PFKM: variants seen among roughly 807,000 people sequenced by gnomAD.
PFKM encodes the protein ATP-dependent 6-phosphofructokinase, muscle type.
Under a neutral mutation model 95.5 loss-of-function variants are expected in PFKM, and 58 were observed. That is an observed-to-expected ratio of 0.61 (90% confidence interval 0.49 to 0.76). The LOEUF (loss-of-function observed/expected upper bound fraction) is 0.76. Among genes scored for constraint, PFKM ranks in the 30% least tolerant of loss-of-function variants. PFKM has a pLI of 0.00. For missense variants in PFKM, 678 were observed against 1,005.4 expected (o/e 0.67, Z 4.40); for synonymous variants, 336 against 357.2 (o/e 0.94, Z 0.67).
intron 4 of PFKM, 67 bp downstream of exon 4, chr12:48,131,460 C>A: frequency 8.9e-7 from 1 of 1,119,328 alleles, no homozygotes; most frequent in Non-Finnish European, 1.4e-6. Context: ...CTGTTTTGGG[C>A]TCATGGTCTC....
chr12:48,136,939 G>A (rs988056652), intron 10 of PFKM, among the ~76,000 whole-genome samples: 1 of 151,594 alleles, frequency 6.6e-6, no homozygotes, highest in African/African-American at 2.4e-5. Flanking sequence ...ATTTTTAGTA[G>A]AGATGGGGCT....
intron 10 of PFKM, among the ~76,000 whole-genome samples, chr12:48,136,692 CTTTTTTTTTT>C (rs1166389532): frequency 3.2e-5 from 2 of 63,022 alleles, no homozygotes; most frequent in African/African-American, 1.5e-4. Context: ...GGGGTCGTCA[CTTTTTTTTTT>C]TTTTTTTTTT....
intron 5 of PFKM, 26 bp downstream of exon 5, chr12:48,133,083 G>C: frequency 6.2e-7 from 1 of 1,603,680 alleles, no homozygotes; most frequent in Non-Finnish European, 8.5e-7. Context: ...CATCAGTATT[G>C]CTTATTTGTG....
rs773284854 is a variant in PFKM, at chr12:48,135,309, G to A, written c.862G>A (p.Gly288Arg). The change falls in exon 10 of 23, where the codon GGA becomes AGA. Residue 288 changes from glycine to arginine, a missense_variant. Physicochemically the swap from Gly to Arg is moderately radical, Grantham distance 125 (BLOSUM62 -2). Transcript: ENST00000359794. Reference sequence around the variant, plus strand: ...CCTTCAGCTGGTGGTTAAGCGTCTGGGATATGACACCCGGGTTACTGTCTT... The same window carrying A: ...CCTTCAGCTGGTGGTTAAGCGTCTGAGATATGACACCCGGGTTACTGTCTT... ...DIKNLVVKRL[G>R]YDTRVTVLGH... 1.9e-6 allele frequency: 3 copies of A among 1,614,054 alleles called. No homozygotes were observed. The highest frequency in any genetic ancestry group is 2.5e-6 in the Non-Finnish European group (3 of 1,179,930).
chr12:48,126,879 T>G (rs1333229866), intron 2 of PFKM, among the ~76,000 whole-genome samples: 1 of 152,242 alleles, frequency 6.6e-6, no homozygotes, highest in East Asian at 1.9e-4. Context: ...ATTGAAGGCT[T>G]TGTGTTGACT....
chr12:48,133,457 T>TG lies in PFKM; in HGVS notation c.571dup (p.Ala191GlyfsTer42), dbSNP rs1428004972. 2 of 1,614,046 alleles carry TG rather than the reference T, an allele frequency of 1.2e-6. No homozygotes were observed. The highest frequency in any genetic ancestry group is 1.7e-6 in the Non-Finnish European group (2 of 1,180,014). ...TGCATCGGATCATGGAAATTGTAGA[T>TG]GCCATCACTACCACTGCCCAGAGGT... On this transcript the variant is annotated frameshift_variant, in exon 6 of 23. Transcript: ENST00000359794. LOFTEE classifies it high-confidence loss of function.
intron 1 of PFKM, among the ~76,000 whole-genome samples, chr12:48,120,201 C>G (rs1213238175): frequency 6.6e-6 from 1 of 152,160 alleles, no homozygotes; most frequent in East Asian, 1.9e-4. Context: ...AAGAGCGTCT[C>G]TAGTCACGCG....
At chr12:48,130,845 T>A (rs2135849085) in intron 3 of PFKM, among the ~76,000 whole-genome samples, 1 of 152,310 alleles carries the variant, frequency 6.6e-6, no homozygotes. Context: ...TTTGCACCCT[T>A]CTCCCAGTAC....
rs112860514 is a variant in PFKM at position 48,144,043 on chromosome 12, C to A, written c.1881-3C>A. On this transcript the variant is annotated splice_polypyrimidine_tract_variant and splice_region_variant and intron_variant, in intron 19 of 22. Coordinates refer to ENST00000359794, the MANE Select transcript of PFKM (RefSeq NM_000289.6). ...TCACAGGCTTTTGGTCTCCACCTGG[C>A]AGGAATGAAAAGTGCAATGAGAACT... 6.2e-7 allele frequency: 1 copy of A among 1,603,158 alleles called. No individual in the cohort carries two copies. The highest frequency in any genetic ancestry group is 8.5e-7 in the Non-Finnish European group (1 of 1,169,982).
intron 20 of PFKM, 56 bp downstream of exon 20, chr12:48,144,213 C>A: frequency 8.5e-7 from 1 of 1,177,474 alleles, no homozygotes; most frequent in Non-Finnish European, 1.3e-6. Context: ...TGCCAACAGC[C>A]ATACCTGCCA....
At position 48,111,318 on chromosome 12, in the gene PFKM, C is replaced by T. The variant is rs190340939; in HGVS notation, c.205+3124C>T. Among the ~76,000 whole-genome samples, 6 of 152,320 alleles carry T rather than the reference C, an allele frequency of 3.9e-5. No individual in the cohort carries two copies. The East Asian group carries it at 1.2e-3, about 29-fold the overall frequency. On this transcript the variant is annotated intron_variant, in intron 3 of 24. Coordinates refer to the PFKM transcript ENST00000340802. Reference sequence around the variant, plus strand: ...TCTATCACCAGCATTGCCCATGCCCCCTGCTGCCCTTCTGATCCTCTGTAC... The same window carrying T: ...TCTATCACCAGCATTGCCCATGCCCTCTGCTGCCCTTCTGATCCTCTGTAC...
intron 11 of PFKM, among the ~76,000 whole-genome samples, chr12:48,138,221 G>C (rs1400128780): frequency 6.6e-6 from 1 of 152,110 alleles, no homozygotes; most frequent in South Asian, 2.1e-4. Flanking sequence ...GGTAGCTTTT[G>C]TCTCTATGAT....
At chr12:48,118,500 T>TA, upstream of PFKM, 1 of 1,509,348 alleles carries the variant, frequency 6.6e-7, no homozygotes, top group Non-Finnish European at 8.9e-7. Flanking sequence ...GAGGTAGAGA[T>TA]ACAAGTAAGC....
At chr12:48,134,903 C>A in intron 8 of PFKM, 40 bp from the exon 9 acceptor site, 1 of 1,596,058 alleles carries the variant, frequency 6.3e-7, no homozygotes, top group Non-Finnish European at 8.6e-7. Flanking sequence ...CACCCATCAG[C>A]TTCATTCCAT....
chr12:48,141,944 G>A lies in PFKM; in HGVS notation c.1531G>A (p.Gly511Ser), dbSNP rs1263052355. The A allele has an allele frequency of 6.2e-7, 1 of 1,614,074 alleles. No homozygotes were observed. The highest frequency in any genetic ancestry group is 1.7e-5 in the Admixed American group (1 of 60,022). Residue 511 changes from glycine to serine, a missense_variant, in exon 17 of 23, where the codon GGC becomes AGC. By Grantham distance (56) the Gly-to-Ser change is moderately conservative (BLOSUM62 0). Coordinates refer to ENST00000359794, the MANE Select transcript of PFKM (RefSeq NM_000289.6). ...CACAGGGGGCCTGGAACTGATGGAG[G>A]GCAGGAAGCAGTTTGATGAGCTCTG... The part of the protein sequence containing the change: ...AYTGGLELME[G>S]RKQFDELCIP...
At position 48,135,304 on chromosome 12, in the gene PFKM, G is replaced by C; in HGVS notation, c.857G>C (p.Arg286Pro). Reference protein sequence around the residue: ...SEDIKNLVVKRLGYDTRVTVL... With the variant: ...SEDIKNLVVKPLGYDTRVTVL... ...TGGTCCCTTCAGCTGGTGGTTAAGCGTCTGGGATATGACACCCGGGTTACT... is the reference window on the plus strand; with the variant it reads ...TGGTCCCTTCAGCTGGTGGTTAAGCCTCTGGGATATGACACCCGGGTTACT... The change falls in exon 10 of 23, where the codon CGT becomes CCT. Residue 286 changes from arginine (R) to proline (P), a missense_variant. Coordinates refer to ENST00000359794, the MANE Select transcript of PFKM (RefSeq NM_000289.6). The C allele has an allele frequency of 6.2e-7, 1 of 1,613,960 alleles. No individual in the cohort carries two copies.
chr12:48,126,137 T>C (rs1002183666), intron 2 of PFKM, among the ~76,000 whole-genome samples: 27 of 152,204 alleles, frequency 1.8e-4, no homozygotes, highest in Admixed American at 1.1e-3. Flanking sequence ...ATGGTGCCTG[T>C]AATCTTATCC....
intron 4 of PFKM, 49 bp from the exon 5 acceptor site, chr12:48,132,819 A>G (rs1949654559): frequency 1.3e-6 from 2 of 1,486,264 alleles, no homozygotes; most frequent in African/African-American, 1.4e-5. Context: ...GGGATATCTC[A>G]GCATGTTGAG....
chr12:48,137,053 CT>C (rs1394714959), intron 10 of PFKM, among the ~76,000 whole-genome samples: 26 of 133,544 alleles, frequency 1.9e-4, no homozygotes, highest in African/African-American at 3.9e-4. Flanking sequence ...TGGGCCCAGC[CT>C]TTTTTTTTTT....
Sources: allele counts gnomAD v4.1 joint callset (sites outside exome capture counted in the v4.1 genomes callset), GRCh38; gene constraint gnomAD v4.1.1; transcripts MANE v1.5; gene names NCBI Gene and HGNC (gene_info 2026-07-23, HGNC 2026-07-21).